Variants in DMBT1 observed in about 807,000 individuals in gnomAD.
The protein encoded by DMBT1 is scavenger receptor cysteine-rich domain-containing protein DMBT1.
A neutral mutation model predicts 252.9 loss-of-function variants in DMBT1; 198 were observed. The ratio of observed to expected loss-of-function variants is 0.78; its 90% CI spans 0.70 to 0.88. The LOEUF (loss-of-function observed/expected upper bound fraction) is 0.88. Ranked by LOEUF, DMBT1 falls within the 40% of genes least tolerant of loss-of-function variation. DMBT1 has a pLI of 0.00. For synonymous variants in DMBT1, 990 were observed against 942.7 expected (o/e 1.05, Z -0.92); for missense variants, 2,432 against 2,404.7 (o/e 1.01, Z -0.24).
At chr10:122,623,409 G>A (rs2098088973) in intron 44 of DMBT1, among the ~76,000 whole-genome samples, 1 of 152,182 alleles carries the variant, frequency 6.6e-6, no homozygotes, top group Non-Finnish European at 1.5e-5. Context: ...CCAATTTTGG[G>A]AGATATATAC....
chr10:122,599,088 A>T lies in DMBT1; in HGVS notation c.3271A>T (p.Ile1091Phe). The change falls in exon 26 of 56, where the codon ATC becomes TTC. Residue 1091 changes from isoleucine to phenylalanine, a missense_variant. This residue lies in a region of DMBT1 where 1,264 missense variants were observed against 1,082.2 expected (regional missense o/e 1.17). Coordinates refer to ENST00000338354, the MANE Select transcript of DMBT1 (RefSeq NM_001377530.1). The part of the protein sequence containing the change: ...NCGHSEDAGV[I>F]CSASQSRPTP... The stretch of plus-strand genomic sequence containing the variant: ...TGGCCATAGTGAAGACGCTGGTGTC[A>T]TCTGCTCAGGTGGGCCTTCAAGAAC... The T allele has an allele frequency of 1.2e-6, 2 of 1,613,858 alleles. No individual in the cohort carries two copies. The highest frequency in any genetic ancestry group is 8.5e-7 in the Non-Finnish European group (1 of 1,179,762).
chr10:122,631,580 T>C (rs1316090853), intron 49 of DMBT1, among the ~76,000 whole-genome samples: 1 of 152,172 alleles, frequency 6.6e-6, no homozygotes, highest in Non-Finnish European at 1.5e-5. Context: ...TTGCTACTGG[T>C]GACAATTGGG....
At chr10:122,580,578 A>G (rs1373130146) in intron 10 of DMBT1, among the ~76,000 whole-genome samples, 2 of 151,984 alleles carry the variant, frequency 1.3e-5, no homozygotes, top group African/African-American at 2.4e-5. Flanking sequence ...AGCCTTGCTG[A>G]CTCAGGAACA....
At chr10:122,618,860 C>T (rs1441791515) in intron 41 of DMBT1, among the ~76,000 whole-genome samples, 1 of 152,232 alleles carries the variant, frequency 6.6e-6, no homozygotes. Context: ...GACCTCAGGT[C>T]CTCTAAGAAT....
Position 122,640,254 on chromosome 10 carries a change from T to C in DMBT1, c.7157T>C (p.Ile2386Thr), listed in dbSNP as rs1381323949. 3 of 1,613,934 alleles carry C rather than the reference T, an allele frequency of 1.9e-6. No individual in the cohort carries two copies. Among genetic ancestry groups the C allele is most frequent in the Non-Finnish European group, 2.5e-6 (3 of 1,179,912 alleles). ...EVQYGNFDVN[I>T]SFYTSSSFLY... is the part of the protein sequence containing the mutation. ...CAGTATGGCAATTTTGACGTGAACA[T>C]TTCCTTTTATACTTCCTCATCTTTC... Residue 2386 changes from isoleucine to threonine, a missense_variant, in exon 55 of 56, where the codon ATT (isoleucine) becomes ACT (threonine). Ile to Thr is a moderately conservative substitution (Grantham distance 89). Around this residue, in one of 3 missense-constraint regions of DMBT1, gnomAD observed 1,162 missense variants for 1,169.0 expected, o/e 0.99. Transcript: ENST00000338354.
rs1044383304 is a variant in DMBT1 at position 122,637,676 on chromosome 10, G to A, written c.6942+364G>A. Among the ~76,000 whole-genome samples the A allele has an allele frequency of 2.6e-5, 4 of 152,188 alleles. No individual in the cohort carries two copies. In the East Asian group the frequency reaches 7.7e-4, roughly 29 times the overall value. On this transcript the variant is annotated intron_variant, in intron 54 of 55. Transcript: ENST00000338354. ...GAGGCAGGTGTTGAGATGGGCAGGG[G>A]CCTCATTAAGTCAAAGAATGCAATA...
chr10:122,643,345 C>A lies in DMBT1; in HGVS notation c.7576C>A (p.Leu2526Met). ...CTACCAGGAAAAGGTGGACGTCGTC[C>A]TGGGTCCCATCCAGCTGCAGACCCC... ...GSYQEKVDVV[L>M]GPIQLQTPPR... Residue 2526 changes from leucine (L) to methionine (M), a missense_variant, in exon 56 of 56, where the codon CTG (leucine) becomes ATG (methionine). By Grantham distance (15) the Leu-to-Met change is conservative (BLOSUM62 2). Around this residue, in one of 3 missense-constraint regions of DMBT1, gnomAD observed 1,162 missense variants for 1,169.0 expected, o/e 0.99. Coordinates refer to ENST00000338354, the MANE Select transcript of DMBT1 (RefSeq NM_001377530.1). 1 of 1,613,986 alleles carries A rather than the reference C, an allele frequency of 6.2e-7. No individual in the cohort carries two copies. Among genetic ancestry groups the A allele is most frequent in the African/African-American group, 1.3e-5 (1 of 75,026 alleles).
At chr10:122,632,183 G>A (rs147981983) in intron 50 of DMBT1, among the ~76,000 whole-genome samples, 32 of 152,140 alleles carry the variant, frequency 2.1e-4, no homozygotes, top group Admixed American at 4.6e-4. Context: ...CCACTGCATC[G>A]CAGAGCTCCT....
chr10:122,568,733 G>C (rs2097628248), intron 2 of DMBT1, among the ~76,000 whole-genome samples: 1 of 152,244 alleles, frequency 6.6e-6, no homozygotes, highest in Non-Finnish European at 1.5e-5. Context: ...CAGCTCGGCT[G>C]TGGCTATTCC....
chr10:122,570,858 A>G (rs762399229), intron 3 of DMBT1, 32 bp from the exon 4 acceptor site: 4 of 1,609,194 alleles, frequency 2.5e-6, no homozygotes, highest in Non-Finnish European at 2.6e-6. Flanking sequence ...AAGGGCTACC[A>G]TCAATGAGCT....
chr10:122,624,976 A>G (rs2098106377), intron 44 of DMBT1, among the ~76,000 whole-genome samples: 1 of 152,232 alleles, frequency 6.6e-6, no homozygotes, highest in Admixed American at 6.5e-5. Flanking sequence ...ATACCTCAGC[A>G]AGGCAATAAC....
chr10:122,569,784 T>C (rs2097644118), intron 2 of DMBT1, among the ~76,000 whole-genome samples: 1 of 152,266 alleles, frequency 6.6e-6, no homozygotes, highest in Admixed American at 6.5e-5. Context: ...TGAACCATCT[T>C]ATCAGGAGTA....
At chr10:122,592,677 C>T in intron 20 of DMBT1, 82 bp downstream of exon 20, 2 of 1,564,138 alleles carry the variant, frequency 1.3e-6, no homozygotes, top group Non-Finnish European at 1.7e-6. Context: ...CTGATCTCCT[C>T]ACTCAAAGAT....
chr10:122,626,019 G>C (rs377073184), intron 46 of DMBT1, 54 bp downstream of exon 46: 2 of 1,499,676 alleles, frequency 1.3e-6, no homozygotes, highest in African/African-American at 2.8e-5. Context: ...TTATCCCCAA[G>C]CTTGGCTATC....
intron 20 of DMBT1, 114 bp from the exon 21 acceptor site, chr10:122,593,455 T>C: frequency 1.6e-6 from 2 of 1,223,774 alleles, no homozygotes; most frequent in African/African-American, 1.4e-5. Context: ...CCCTGTGTGA[T>C]AGGAACTAGG....
intron 55 of DMBT1, among the ~76,000 whole-genome samples, chr10:122,642,275 C>T (rs976732603): frequency 6.6e-6 from 1 of 152,160 alleles, no homozygotes; most frequent in African/African-American, 2.4e-5. Flanking sequence ...AGGAGGGGAG[C>T]AGATCCTGGC....
intron 17 of DMBT1, 116 bp from the exon 18 acceptor site, chr10:122,590,549 C>G: frequency 7.8e-7 from 1 of 1,275,488 alleles, no homozygotes; most frequent in Non-Finnish European, 1.1e-6. Context: ...GCCCCTCCCT[C>G]TGTGATGGGG....
intron 18 of DMBT1, 113 bp downstream of exon 18, chr10:122,590,807 A>G: frequency 9.1e-6 from 12 of 1,319,856 alleles, no homozygotes; most frequent in Non-Finnish European, 1.3e-5. Flanking sequence ...GGGTCATACT[A>G]TTTTCCCTGC....
chr10:122,568,788 C>T (rs1417096281), intron 2 of DMBT1, among the ~76,000 whole-genome samples: 1 of 152,208 alleles, frequency 6.6e-6, no homozygotes, highest in East Asian at 1.9e-4. Context: ...GCTTGGGTAA[C>T]ATTCCCTTGG....
Sources: gnomAD v4.1 joint callset for allele counts (sites outside exome capture counted in the v4.1 genomes callset) on GRCh38, gnomAD v4.1.1 for gene constraint, gnomAD v4.1.1 regional missense constraint, MANE v1.5 for transcripts, NCBI Gene and HGNC (gene_info 2026-07-23, HGNC 2026-07-21) for gene names.